OR3A2: variants seen among roughly 807,000 people sequenced by gnomAD.
OR3A2 encodes the protein olfactory receptor family 3 subfamily A member 2.
For missense variants in OR3A2, 318 were observed against 392.8 expected (o/e 0.81, Z 1.61); for synonymous variants, 126 against 159.3 (o/e 0.79, Z 1.57).
intron 1 of OR3A2, among the ~76,000 whole-genome samples, chr17:3,283,379 C>T (rs1330430796): frequency 6.6e-6 from 1 of 152,128 alleles, no homozygotes; most frequent in Non-Finnish European, 1.5e-5. Flanking sequence ...GCATGCGCCA[C>T]CACGCCCAGC....
chr17:3,282,062 C>G (rs2048779886), intron 1 of OR3A2, among the ~76,000 whole-genome samples: 1 of 152,100 alleles, frequency 6.6e-6, no homozygotes, highest in South Asian at 2.1e-4. Context: ...ATGAAGGTCA[C>G]CAGCCCTTTT....
chr17:3,367,618 T>TATATATATATATATATATATAAA (rs1263932648), intron 2 of OR3A2, among the ~76,000 whole-genome samples: 7 of 147,608 alleles, frequency 4.7e-5, no homozygotes, highest in African/African-American at 1.8e-4. Flanking sequence ...TATATATATA[T>TATATATATATATATATATATAAA]ATATGCCATT....
chr17:3,381,290 G>C (rs1406419393), intron 2 of OR3A2, among the ~76,000 whole-genome samples: 1 of 151,450 alleles, frequency 6.6e-6, no homozygotes, highest in Non-Finnish European at 1.5e-5. Context: ...GCATGGAGTT[G>C]AAGGCAGTGA....
rs762564185 is a variant in OR3A2 at position 3,311,072 on chromosome 17, C to G, written c.-85+24961G>C. On this transcript the variant is annotated intron_variant, in intron 3 of 4. Coordinates refer to the OR3A2 transcript ENST00000573491. The surrounding 1 kb of genome is among the most constrained non-coding windows in gnomAD (Gnocchi z 4.6). Reference sequence around the variant, plus strand: ...CCCACCTCACTGTGGTGGGCATCTTCTATGGGACGGGCGTCTTCAGCTACA... The same window carrying G: ...CCCACCTCACTGTGGTGGGCATCTTGTATGGGACGGGCGTCTTCAGCTACA... 9.2e-6 allele frequency: 5 copies of G among 545,186 alleles called. No individual in the cohort carries two copies. The highest frequency in any genetic ancestry group is 7.7e-5 in the African/African-American group (4 of 52,042). 33.8% of individuals were successfully genotyped at this position (545,186 alleles called of 1,614,324 possible).
intron 3 of OR3A2, among the ~76,000 whole-genome samples, chr17:3,331,320 G>T (rs1249582315): frequency 1.3e-5 from 2 of 151,970 alleles, no homozygotes; most frequent in Non-Finnish European, 2.9e-5. Flanking sequence ...TTTCCAACTT[G>T]GTTCCATTCT....
At chr17:3,364,534 T>G (rs1171682397) in intron 2 of OR3A2, among the ~76,000 whole-genome samples, 1 of 152,184 alleles carries the variant, frequency 6.6e-6, no homozygotes, top group Non-Finnish European at 1.5e-5. Flanking sequence ...CATTCTACTC[T>G]CTACTGTAGT....
intron 2 of OR3A2, among the ~76,000 whole-genome samples, chr17:3,347,728 A>G (rs1226125377): frequency 4.6e-5 from 7 of 152,342 alleles, no homozygotes; most frequent in East Asian, 3.9e-4. Flanking sequence ...TCTTTATAGA[A>G]GCATGATTTA....
intron 2 of OR3A2, among the ~76,000 whole-genome samples, chr17:3,348,053 G>C (rs914500728): frequency 2.6e-5 from 4 of 152,282 alleles, no homozygotes; most frequent in Non-Finnish European, 4.4e-5. Flanking sequence ...CTTTTGAGAA[G>C]TGTCTGTTCA....
chr17:3,282,575 C>T (rs1244226086), intron 1 of OR3A2, among the ~76,000 whole-genome samples: 3 of 152,180 alleles, frequency 2.0e-5, no homozygotes, highest in Non-Finnish European at 4.4e-5. Context: ...CACGGGGAAG[C>T]TGCAGAGGGG....
rs556605411 is a variant in OR3A2 at position 3,349,899 on chromosome 17, T to C, written c.-178-13773A>G. Among the ~76,000 whole-genome samples the C allele has an allele frequency of 5.8e-4, 88 of 151,854 alleles. No homozygotes were observed. The South Asian group carries it at 8.6e-3, about 15-fold the overall frequency. Reference sequence around the variant, plus strand: ...AATCTCACTCAAAACCACTCAACCATATGGAAACTGAACAACCTGCTCCTG... The same window carrying C: ...AATCTCACTCAAAACCACTCAACCACATGGAAACTGAACAACCTGCTCCTG... On this transcript the variant is annotated intron_variant, in intron 2 of 4. Coordinates refer to the OR3A2 transcript ENST00000573491.
intron 2 of OR3A2, among the ~76,000 whole-genome samples, chr17:3,339,389 G>A (rs902663998): frequency 6.6e-6 from 1 of 152,208 alleles, no homozygotes; most frequent in Non-Finnish European, 1.5e-5. Context: ...CATTCAGAAT[G>A]ATACTGGCTG....
intron 2 of OR3A2, among the ~76,000 whole-genome samples, chr17:3,368,851 A>T (rs527270209): frequency 6.6e-6 from 1 of 152,112 alleles, no homozygotes; most frequent in African/African-American, 2.4e-5. Flanking sequence ...CACAATATTG[A>T]TTCTACCCAT....
intron 3 of OR3A2, among the ~76,000 whole-genome samples, chr17:3,316,885 A>C (rs9903886): frequency 0.14 from 20,947 of 152,218 alleles, 1,772 homozygotes; most frequent in African/African-American, 0.24. Flanking sequence ...TGGAGATCAA[A>C]GTTTTAATTC....
intron 2 of OR3A2, among the ~76,000 whole-genome samples, chr17:3,365,205 T>C (rs2150661370): frequency 6.6e-6 from 1 of 152,352 alleles, no homozygotes; most frequent in Admixed American, 6.5e-5. Flanking sequence ...TTCCCGACTG[T>C]ATCTTAGGTA....
chr17:3,345,572 AAC>A (rs1294030640), intron 2 of OR3A2, among the ~76,000 whole-genome samples: 1 of 152,120 alleles, frequency 6.6e-6, no homozygotes, highest in African/African-American at 2.4e-5. Flanking sequence ...ATATCACAAA[AAC>A]AGTTCTTGAA....
chr17:3,367,643 G>T (rs1433975067), intron 2 of OR3A2, among the ~76,000 whole-genome samples: 1 of 136,808 alleles, frequency 7.3e-6, no homozygotes, highest in East Asian at 2.0e-4. Flanking sequence ...TTATCCACCT[G>T]TTGGTTGATG....
At chr17:3,339,120 A>G (rs879437393) in intron 2 of OR3A2, among the ~76,000 whole-genome samples, 3 of 152,162 alleles carry the variant, frequency 2.0e-5, no homozygotes, top group Non-Finnish European at 4.4e-5. Flanking sequence ...TTGATTTTGT[A>G]TCCTGAGACT....
chr17:3,325,368 C>A (rs968090621), intron 3 of OR3A2, among the ~76,000 whole-genome samples: 9 of 151,814 alleles, frequency 5.9e-5, no homozygotes, highest in Admixed American at 3.9e-4. Context: ...TACCATCACA[C>A]CTGGCTAATT....
At chr17:3,346,890 AG>A (rs1460001549) in intron 2 of OR3A2, among the ~76,000 whole-genome samples, 1 of 152,188 alleles carries the variant, frequency 6.6e-6, no homozygotes, top group Non-Finnish European at 1.5e-5. Context: ...ATGGCTGAAT[AG>A]TACTCCATTG....
Sources: allele counts gnomAD v4.1 joint callset (sites outside exome capture counted in the v4.1 genomes callset), GRCh38; gene constraint gnomAD v4.1.1; non-coding constraint Gnocchi (gnomAD v3.1); transcripts MANE v1.5; gene names NCBI Gene and HGNC (gene_info 2026-07-23, HGNC 2026-07-21).